IQCH: variants seen among roughly 807,000 people sequenced by gnomAD.
IQCH encodes the protein IQ motif containing H.
A neutral mutation model predicts 117.0 loss-of-function variants in IQCH; 98 were observed. That is an observed-to-expected ratio of 0.84 (90% CI 0.71 to 0.99). The LOEUF (loss-of-function observed/expected upper bound fraction) is 0.99. Ranked by LOEUF, IQCH falls within the 50% of genes least tolerant of loss-of-function variation. The pLI, the probability that IQCH is intolerant of heterozygous loss-of-function variation, is 0.00. For synonymous variants in IQCH, 412 were observed against 448.2 expected (o/e 0.92, Z 1.02); for missense variants, 1,102 against 1,243.8 (o/e 0.89, Z 1.72).
chr15:67,331,870 G>A (rs1243106516), intron 4 of IQCH, among the ~76,000 whole-genome samples: 2 of 152,176 alleles, frequency 1.3e-5, no homozygotes, highest in Non-Finnish European at 2.9e-5. Flanking sequence ...AGCACTCTGA[G>A]GACATGACCC....
rs1269900116 is a variant in IQCH at position 67,426,357 on chromosome 15, G to T, written c.2505+4780G>T. The stretch of plus-strand genomic sequence containing the variant: ...TTATATTATAAAACCATGAGTTCCT[G>T]CCAGCATCTCCAATTTCAATCCAGC... On this transcript the variant is annotated intron_variant, in intron 16 of 20. Transcript: ENST00000335894. This position sits in a 1 kb window ranked among gnomAD's most constrained non-coding sequence, Gnocchi z 5.1. Among the ~76,000 whole-genome samples the T allele has an allele frequency of 1.3e-5, 2 of 152,126 alleles. No individual in the cohort carries two copies. Among genetic ancestry groups the T allele is most frequent in the Admixed American group, 6.5e-5 (1 of 15,290 alleles).
chr15:67,386,091 T>A lies in IQCH; in HGVS notation c.1456+1072T>A, dbSNP rs536125558. On this transcript the variant is annotated intron_variant, in intron 11 of 20. Coordinates refer to ENST00000335894, the MANE Select transcript of IQCH (RefSeq NM_001031715.3). The surrounding 1 kb of genome is among the most constrained non-coding windows in gnomAD (Gnocchi z 5.0). ...TTGTTTTTCAGCATTACAAAAAAAA[T>A]TTTTAATGACTTAAGATTGATTTGT... Among the ~76,000 whole-genome samples, 291 of 152,260 alleles carry A rather than the reference T, an allele frequency of 1.9e-3. No homozygotes were observed. Among genetic ancestry groups the A allele is most frequent in the African/African-American group, 6.7e-3 (280 of 41,554 alleles).
At chr15:67,261,605 A>C in intron 2 of IQCH, among the ~76,000 whole-genome samples, 1 of 152,220 alleles carries the variant, frequency 6.6e-6, no homozygotes. Flanking sequence ...AAGTAGGTTA[A>C]ATATAAGATT....
chr15:67,462,965 G>T (rs956526987), intron 16 of IQCH, among the ~76,000 whole-genome samples: 1 of 152,168 alleles, frequency 6.6e-6, no homozygotes, highest in Non-Finnish European at 1.5e-5. Context: ...GTTGCAATGT[G>T]ATTTATTTGC....
At chr15:67,328,159 A>T (rs201906429) in intron 4 of IQCH, among the ~76,000 whole-genome samples, 10,979 of 92,776 alleles carry the variant, frequency 0.12, 537 homozygotes, top group East Asian at 0.25. Flanking sequence ...GTTTGTTTTT[A>T]GTTTTTTTTT....
rs181101486 is a variant in IQCH, at chr15:67,323,427, G to A, written c.388-13548G>A. On this transcript the variant is annotated intron_variant, in intron 4 of 20. Transcript: ENST00000335894. ...CTGGCTAATTTTTTGTATTTTTAGT[G>A]AAGACGGGGTTTCACCGTGTTAGCC... is the stretch of plus-strand genomic sequence containing the variant. Among the ~76,000 whole-genome samples, 557 of 151,502 alleles carry A rather than the reference G, an allele frequency of 3.7e-3. 3 individuals are homozygous for A. Among genetic ancestry groups the A allele is most frequent in the Middle Eastern group, 6.8e-3 (2 of 294 alleles).
rs1971797044 is a variant in IQCH at position 67,404,406 on chromosome 15, C to T, written c.2097+4101C>T. 6.6e-6 allele frequency: 1 copy of T among 152,154 alleles called. No individual in the cohort carries two copies. The allele number at this position is 152,154 out of a possible 1,614,324, so 9.4% of individuals were successfully genotyped here. ...TGGAACTAGGTCACAGGAGCCATTG[C>T]AGGATGGCAGAGCTCGTTGTCCCGT... On this transcript the variant is annotated intron_variant, in intron 14 of 20. Coordinates refer to ENST00000335894, the MANE Select transcript of IQCH (RefSeq NM_001031715.3). The surrounding 1 kb of genome is among the most constrained non-coding windows in gnomAD (Gnocchi z 4.6).
chr15:67,387,531 T>C lies in IQCH; in HGVS notation c.1457-1300T>C, dbSNP rs902447349. 3.3e-5 allele frequency among the ~76,000 whole-genome samples: 5 copies of C among 152,080 alleles called. No homozygotes were observed. Among genetic ancestry groups the C allele is most frequent in the Admixed American group, 1.3e-4 (2 of 15,268 alleles). On this transcript the variant is annotated intron_variant, in intron 11 of 20. Transcript: ENST00000335894. This position sits in a 1 kb window ranked among gnomAD's most constrained non-coding sequence, Gnocchi z 4.8. ...GATTAATAGATTGGAAACAATAGGATAGAACCACAGAGAACACTACTTCAT... is the reference window on the plus strand; with the variant it reads ...GATTAATAGATTGGAAACAATAGGACAGAACCACAGAGAACACTACTTCAT...
intron 4 of IQCH, among the ~76,000 whole-genome samples, chr15:67,288,560 A>C (rs1946439203): frequency 6.6e-6 from 1 of 151,428 alleles, no homozygotes; most frequent in Admixed American, 6.6e-5. Context: ...TGGTATAGCT[A>C]CTCCTGCTCT....
chr15:67,342,710 A>C lies in IQCH; in HGVS notation c.509-1353A>C, dbSNP rs1407824461. Among the ~76,000 whole-genome samples, 3 of 152,192 alleles carry C rather than the reference A, an allele frequency of 2.0e-5. No homozygotes were observed. Among genetic ancestry groups the C allele is most frequent in the African/African-American group, 7.2e-5 (3 of 41,450 alleles). On this transcript the variant is annotated intron_variant, in intron 5 of 20. Transcript: ENST00000335894. This position sits in a 1 kb window ranked among gnomAD's most constrained non-coding sequence, Gnocchi z 4.7. Reference sequence around the variant, plus strand: ...TATAAAAATTAAAACCTGAAGTACTAATTTCAAAAAGGTCCTAAAGTGTTA... The same window carrying C: ...TATAAAAATTAAAACCTGAAGTACTCATTTCAAAAAGGTCCTAAAGTGTTA...
rs565251770 is a variant in IQCH, at chr15:67,285,737, G to T, written c.387+6225G>T. ...CTTTCCCTGTTGCCTTTTTTTGTCA[G>T]GTTTGTCAAAGATCAGAGAGTTGTA... On this transcript the variant is annotated intron_variant, in intron 4 of 20. Transcript: ENST00000335894. Among the ~76,000 whole-genome samples, 7 of 152,042 alleles carry T rather than the reference G, an allele frequency of 4.6e-5. No homozygotes were observed. In the East Asian group the frequency reaches 1.4e-3, roughly 29 times the overall value.
chr15:67,382,609 T>C (rs774073090), intron 10 of IQCH, among the ~76,000 whole-genome samples: 2 of 152,242 alleles, frequency 1.3e-5, no homozygotes, highest in Non-Finnish European at 2.9e-5. Context: ...GAGAGTCTTT[T>C]ATTTTATATA....
At chr15:67,442,858 AG>A (rs2082307561) in intron 16 of IQCH, among the ~76,000 whole-genome samples, 4 of 141,790 alleles carry the variant, frequency 2.8e-5, no homozygotes, top group African/African-American at 1.1e-4. Flanking sequence ...ATAGATAGAT[AG>A]ATAGATATAC....
chr15:67,266,256 G>T (rs920114911), intron 3 of IQCH, among the ~76,000 whole-genome samples: 10 of 151,890 alleles, frequency 6.6e-5, no homozygotes, highest in African/African-American at 2.4e-4. Flanking sequence ...TGTATGAATA[G>T]CACAAACCTT....
In IQCH at chr15:67,418,624, G is replaced by A. The variant is rs2081640907; in HGVS notation, c.2218+1573G>A. On this transcript the variant is annotated intron_variant, in intron 15 of 20. Coordinates refer to ENST00000335894, the MANE Select transcript of IQCH (RefSeq NM_001031715.3). The stretch of plus-strand genomic sequence containing the variant: ...ATGGAGTTTCACTCTTGTTGCCCAG[G>A]CTGGAGTGCAATGGTGCGATCTCGG... 2.7e-5 allele frequency among the ~76,000 whole-genome samples: 4 copies of A among 147,820 alleles called. No homozygotes were observed. In the Admixed American group the frequency reaches 2.7e-4, roughly 10 times the overall value.
At position 67,444,163 on chromosome 15, in the gene IQCH, A is replaced by G. The variant is rs182011679; in HGVS notation, c.2506-20964A>G. 1.4e-3 allele frequency among the ~76,000 whole-genome samples: 220 copies of G among 152,356 alleles called. 2 individuals are homozygous for G. The highest frequency in any genetic ancestry group is 4.9e-3 in the African/African-American group (205 of 41,588). ...ATATGCTTGTTGAATTGAGTTGAAC[A>G]GCTTAAAGCCAGAAAACACATCTCC... On this transcript the variant is annotated intron_variant, in intron 16 of 20. Coordinates refer to ENST00000335894, the MANE Select transcript of IQCH (RefSeq NM_001031715.3).
chr15:67,350,790 A>T (rs1314121856), intron 6 of IQCH, among the ~76,000 whole-genome samples: 3 of 152,158 alleles, frequency 2.0e-5, no homozygotes, highest in Admixed American at 2.0e-4. Flanking sequence ...CAAAACTTAT[A>T]AAAGTATACA....
rs1461668146 is a variant in IQCH, at chr15:67,433,586, CT to C, written c.2505+12012del. On this transcript the variant is annotated intron_variant, in intron 16 of 20. Transcript: ENST00000335894. The surrounding 1 kb of genome is among the most constrained non-coding windows in gnomAD (Gnocchi z 5.4). ...AGATGCCCATTCTCATCATGGAGCT[CT>C]TTGCTTCCTTTCAAATGAAACCAAG... Among the ~76,000 whole-genome samples the C allele has an allele frequency of 2.0e-5, 3 of 152,168 alleles. No homozygotes were observed. Among genetic ancestry groups the C allele is most frequent in the Admixed American group, 6.5e-5 (1 of 15,274 alleles).
chr15:67,379,952 A>G (rs529132790), intron 10 of IQCH, among the ~76,000 whole-genome samples: 2 of 152,132 alleles, frequency 1.3e-5, no homozygotes, highest in Non-Finnish European at 2.9e-5. Context: ...TCCTGGGTTC[A>G]AGCAATTCTC....
Sources: allele counts gnomAD v4.1 joint callset (sites outside exome capture counted in the v4.1 genomes callset), GRCh38; gene constraint gnomAD v4.1.1; non-coding constraint Gnocchi (gnomAD v3.1); transcripts MANE v1.5; gene names NCBI Gene and HGNC (gene_info 2026-07-23, HGNC 2026-07-21).